The following SLC24A2 variants were observed in gnomAD, a reference collection of about 807,000 sequenced individuals.
The protein encoded by SLC24A2 is solute carrier family 24 member 2, also known as sodium/potassium/calcium exchanger 2.
A neutral mutation model predicts 62.0 loss-of-function variants in SLC24A2; 36 were observed. The observed-to-expected ratio is 0.58, with a 90% CI of 0.44 to 0.77. The LOEUF (loss-of-function observed/expected upper bound fraction) is 0.77, where lower values mean the gene tolerates loss of function less well. Among genes scored for constraint, SLC24A2 ranks in the 30% least tolerant of loss-of-function variants. The pLI, the probability that SLC24A2 is intolerant of heterozygous loss-of-function variation, is 0.00. For synonymous variants in SLC24A2, 358 were observed against 294.0 expected (o/e 1.22, Z -2.23); for missense variants, 846 against 817.9 (o/e 1.03, Z -0.42).
At chr9:19,762,483 G>A (rs1427096425) in intron 2 of SLC24A2, among the ~76,000 whole-genome samples, 1 of 152,100 alleles carries the variant, frequency 6.6e-6, no homozygotes, top group East Asian at 1.9e-4. Flanking sequence ...GTTAATTTTT[G>A]TATAAAGTGT....
the SLC24A2 span, among the ~76,000 whole-genome samples, chr9:19,913,386 C>T: frequency 8.9e-4 from 136 of 152,190 alleles, no homozygotes; most frequent in African/African-American, 2.5e-3. Context: ...CTGACTTGGC[C>T]AGAGTGGATA....
intron 7 of SLC24A2, among the ~76,000 whole-genome samples, chr9:19,553,506 T>C (rs1834941109): frequency 6.6e-6 from 1 of 152,222 alleles, no homozygotes. Context: ...TGTAAAGCTT[T>C]AGGGCCTTGT....
chr9:19,715,484 G>T (rs987909411), intron 2 of SLC24A2, among the ~76,000 whole-genome samples: 2 of 152,202 alleles, frequency 1.3e-5, no homozygotes, highest in Non-Finnish European at 2.9e-5. Context: ...ACATCCATCT[G>T]TGTATTAGCT....
chr9:19,972,356 C>T, the SLC24A2 span, among the ~76,000 whole-genome samples: 1 of 152,124 alleles, frequency 6.6e-6, no homozygotes, highest in South Asian at 2.1e-4. Context: ...TCTACAGGTG[C>T]TAATTCCTTA....
chr9:19,557,098 A>G (rs1835130235), intron 7 of SLC24A2, among the ~76,000 whole-genome samples: 1 of 152,194 alleles, frequency 6.6e-6, no homozygotes, highest in Non-Finnish European at 1.5e-5. Flanking sequence ...CAAAAGTGAC[A>G]GTGCTAGGCC....
At chr9:19,669,258 C>G (rs576179126) in intron 2 of SLC24A2, among the ~76,000 whole-genome samples, 1 of 152,054 alleles carries the variant, frequency 6.6e-6, no homozygotes, top group Non-Finnish European at 1.5e-5. Flanking sequence ...GAACACAGCT[C>G]CCTTGTGGTG....
At chr9:20,067,055 T>C in the SLC24A2 span, among the ~76,000 whole-genome samples, 1 of 152,222 alleles carries the variant, frequency 6.6e-6, no homozygotes, top group Non-Finnish European at 1.5e-5. Context: ...GGAAACAATT[T>C]GTTCTAGATG....
At chr9:20,154,960 G>T in the SLC24A2 span, among the ~76,000 whole-genome samples, 1 of 151,436 alleles carries the variant, frequency 6.6e-6, no homozygotes, top group Non-Finnish European at 1.5e-5. Context: ...CAAGCATCTC[G>T]CTATCAGGGA....
the SLC24A2 span, among the ~76,000 whole-genome samples, chr9:20,104,269 C>T: frequency 6.6e-6 from 1 of 152,326 alleles, no homozygotes; most frequent in Admixed American, 6.5e-5. Context: ...AGTTGGAAAA[C>T]ACTCTGCTAG....
At chr9:20,058,673 T>C in the SLC24A2 span, among the ~76,000 whole-genome samples, 1 of 152,362 alleles carries the variant, frequency 6.6e-6, no homozygotes, top group African/African-American at 2.4e-5. Flanking sequence ...CTTAGCACTT[T>C]GGAAGATCAC....
intron 2 of SLC24A2, among the ~76,000 whole-genome samples, chr9:19,666,754 C>T (rs1344924056): frequency 6.6e-6 from 1 of 151,972 alleles, no homozygotes; most frequent in Non-Finnish European, 1.5e-5. Flanking sequence ...ATGTTTTTTT[C>T]AATGCAGGAC....
chr9:19,943,694 T>C, the SLC24A2 span, among the ~76,000 whole-genome samples: 122 of 152,328 alleles, frequency 8.0e-4, no homozygotes, highest in Admixed American at 1.4e-3. Context: ...CACAGAATGG[T>C]ATTATTTTCA....
At chr9:19,737,850 T>G (rs932436800) in intron 2 of SLC24A2, among the ~76,000 whole-genome samples, 1 of 152,116 alleles carries the variant, frequency 6.6e-6, no homozygotes, top group African/African-American at 2.4e-5. Context: ...TGAAACTTTT[T>G]CAGTTCTAAC....
At chr9:19,972,235 G>C in the SLC24A2 span, among the ~76,000 whole-genome samples, 1 of 152,040 alleles carries the variant, frequency 6.6e-6, no homozygotes, top group Non-Finnish European at 1.5e-5. Flanking sequence ...ATGAGAGTGA[G>C]AGAGAGAGAA....
At chr9:19,641,517 A>ATTT (rs5896853) in intron 2 of SLC24A2, among the ~76,000 whole-genome samples, 9 of 143,012 alleles carry the variant, frequency 6.3e-5, no homozygotes, top group South Asian at 2.2e-4. Context: ...TTACTTAAAC[A>ATTT]TTTTTTTTTT....
chr9:19,884,486 T>G, the SLC24A2 span, among the ~76,000 whole-genome samples: 1 of 152,228 alleles, frequency 6.6e-6, no homozygotes, highest in Admixed American at 6.5e-5. Flanking sequence ...TTTTTAAATT[T>G]GAAAGTTTTT....
the SLC24A2 span, among the ~76,000 whole-genome samples, chr9:20,137,236 T>G: frequency 6.6e-6 from 1 of 152,160 alleles, no homozygotes; most frequent in South Asian, 2.1e-4. Context: ...CAAATGAAAT[T>G]TAAGGCATTT....
chr9:19,858,092 T>G, the SLC24A2 span, among the ~76,000 whole-genome samples: 1 of 152,152 alleles, frequency 6.6e-6, no homozygotes, highest in Non-Finnish European at 1.5e-5. Flanking sequence ...TCATGTTACC[T>G]CACTTCCAAC....
the SLC24A2 span, among the ~76,000 whole-genome samples, chr9:19,883,547 T>A: frequency 2.0e-5 from 3 of 146,658 alleles, no homozygotes; most frequent in Admixed American, 7.0e-5. Context: ...TCTCCTCATC[T>A]GTAAAATGAT....
Sources: allele counts gnomAD v4.1 joint callset (sites outside exome capture counted in the v4.1 genomes callset), GRCh38; gene constraint gnomAD v4.1.1; transcripts MANE v1.5; gene names NCBI Gene and HGNC (gene_info 2026-07-23, HGNC 2026-07-21).